TEC: variants seen among roughly 807,000 people sequenced by gnomAD.
The protein encoded by TEC is tyrosine-protein kinase Tec.
TEC carries 72 observed loss-of-function variants against 93.0 expected under a neutral mutation model. That is an observed-to-expected ratio of 0.77 (90% confidence interval 0.64 to 0.94). The LOEUF (loss-of-function observed/expected upper bound fraction) is 0.94, where lower values mean the gene tolerates loss of function less well. Among genes scored for constraint, TEC ranks in the 40% least tolerant of loss-of-function variants. The pLI, the probability that TEC is intolerant of heterozygous loss-of-function variation, is 0.00. For missense variants in TEC, 630 were observed against 757.9 expected (o/e 0.83, Z 1.98); for synonymous variants, 249 against 247.7 (o/e 1.01, Z -0.05).
intron 1 of TEC, among the ~76,000 whole-genome samples, chr4:48,236,220 G>T (rs1723778771): frequency 6.6e-6 from 1 of 152,004 alleles, no homozygotes; most frequent in African/African-American, 2.4e-5. Context: ...AAATGAAGAT[G>T]AAACAAAACT....
intron 2 of TEC, among the ~76,000 whole-genome samples, chr4:48,185,281 C>T (rs765837121): frequency 4.6e-5 from 7 of 152,174 alleles, no homozygotes; most frequent in Non-Finnish European, 8.8e-5. Context: ...TAGTCTTTTC[C>T]CTTTCCACTC....
At chr4:48,213,370 T>C (rs1244845484) in intron 2 of TEC, among the ~76,000 whole-genome samples, 3 of 152,154 alleles carry the variant, frequency 2.0e-5, no homozygotes, top group Admixed American at 6.5e-5. Context: ...ATATGAAAAG[T>C]AAAAAAGGTA....
At chr4:48,199,236 C>G (rs1029103463) in intron 2 of TEC, among the ~76,000 whole-genome samples, 4 of 152,292 alleles carry the variant, frequency 2.6e-5, no homozygotes, top group African/African-American at 9.6e-5. Flanking sequence ...TGAACCAGAT[C>G]CAATGATTCC....
At chr4:48,148,639 T>A (rs1346099720) in intron 11 of TEC, among the ~76,000 whole-genome samples, 2 of 152,212 alleles carry the variant, frequency 1.3e-5, no homozygotes, top group Non-Finnish European at 2.9e-5. Flanking sequence ...TATCTTGGAC[T>A]TTAGTGTCAA....
chr4:48,242,688 G>A (rs1448106937), intron 1 of TEC, among the ~76,000 whole-genome samples: 1 of 152,192 alleles, frequency 6.6e-6, no homozygotes, highest in African/African-American at 2.4e-5. Flanking sequence ...TATGCAGGAA[G>A]TTCTTTTTTT....
intron 1 of TEC, among the ~76,000 whole-genome samples, chr4:48,256,346 G>A (rs1226465449): frequency 6.6e-6 from 1 of 152,004 alleles, no homozygotes; most frequent in Non-Finnish European, 1.5e-5. Context: ...CACTTTGGGA[G>A]GCTGAGGCAG....
In TEC at chr4:48,138,656, A is replaced by T; in HGVS notation, c.1812+9T>A. ...AGATTCAAAAAGAAAGCACACAAAAAATCTATACCTCCTGCCAACATCTCA... is the reference window on the plus strand; with the variant it reads ...AGATTCAAAAAGAAAGCACACAAAATATCTATACCTCCTGCCAACATCTCA... On this transcript the variant is annotated intron_variant, in intron 17 of 17. Coordinates refer to ENST00000381501, the MANE Select transcript of TEC (RefSeq NM_003215.3). 6.3e-7 allele frequency: 1 copy of T among 1,589,266 alleles called. No homozygotes were observed. The highest frequency in any genetic ancestry group is 8.5e-7 in the Non-Finnish European group (1 of 1,170,284).
chr4:48,248,508 T>C (rs1227273854), intron 1 of TEC, among the ~76,000 whole-genome samples: 1 of 152,174 alleles, frequency 6.6e-6, no homozygotes. Flanking sequence ...CCAGCGTCAG[T>C]ACGGGAGGTG....
At chr4:48,149,531 G>C (rs778700080) in intron 11 of TEC, 26 bp downstream of exon 11, 79 of 1,566,942 alleles carry the variant, frequency 5.0e-5, no homozygotes, top group Non-Finnish European at 6.7e-5. Context: ...CCTTATATTT[G>C]AAGTAGGTTT....
chr4:48,232,476 A>T (rs1447271920), intron 1 of TEC, among the ~76,000 whole-genome samples: 2 of 152,196 alleles, frequency 1.3e-5, no homozygotes, highest in Non-Finnish European at 2.9e-5. Context: ...ACTAGAAAAA[A>T]GTCTCCTAGT....
intron 2 of TEC, among the ~76,000 whole-genome samples, chr4:48,184,390 G>C (rs1721716503): frequency 6.6e-6 from 1 of 152,084 alleles, no homozygotes; most frequent in Admixed American, 6.6e-5. Flanking sequence ...ATCAAAGAAA[G>C]TTCACAAATT....
Position 48,228,600 on chromosome 4 carries a change from AG to A in TEC, c.14del (p.Thr5IlefsTer20). The A allele has an allele frequency of 6.2e-7, 1 of 1,613,274 alleles. No individual in the cohort carries two copies. The highest frequency in any genetic ancestry group is 8.5e-7 in the Non-Finnish European group (1 of 1,179,784). On this transcript the variant is annotated frameshift_variant, in exon 2 of 18. Transcript: ENST00000381501. LOFTEE classifies it high-confidence loss of function. MNFN[T>X]ILEEILIKRS... ...TTTTAATAAGAATCTCCTCCAAAAT[AG>A]TGTTAAAATTCATCTCCGTCTTCTG...
intron 2 of TEC, among the ~76,000 whole-genome samples, chr4:48,209,438 C>CA (rs200833080): frequency 6.0e-5 from 9 of 149,532 alleles, no homozygotes; most frequent in South Asian, 2.1e-4. Flanking sequence ...CTCATCTCTA[C>CA]AAAAAAAAAT....
intron 1 of TEC, among the ~76,000 whole-genome samples, chr4:48,268,122 CT>C (rs1724687097): frequency 6.6e-6 from 1 of 152,206 alleles, no homozygotes; most frequent in African/African-American, 2.4e-5. Flanking sequence ...TAAAACATAG[CT>C]GCTGCCCTTG....
In TEC at chr4:48,167,762, T is replaced by A; in HGVS notation, c.671+16A>T. 6.2e-7 allele frequency: 1 copy of A among 1,612,584 alleles called. No individual in the cohort carries two copies. The highest frequency in any genetic ancestry group is 8.5e-7 in the Non-Finnish European group (1 of 1,178,876). On this transcript the variant is annotated intron_variant, in intron 7 of 17. Coordinates refer to ENST00000381501, the MANE Select transcript of TEC (RefSeq NM_003215.3). Reference sequence around the variant, plus strand: ...ACCTACCCACTGCATATCACACACATAGAGGGAATACTTACCCATATTTAT... The same window carrying A: ...ACCTACCCACTGCATATCACACACAAAGAGGGAATACTTACCCATATTTAT...
chr4:48,149,719 C>T, intron 10 of TEC, 29 bp from the exon 11 acceptor site: 1 of 1,578,890 alleles, frequency 6.3e-7, no homozygotes, highest in Non-Finnish European at 8.6e-7. Context: ...TGTGTCAGAA[C>T]CAAGTTGAAA....
chr4:48,182,116 C>T (rs60301482), intron 2 of TEC, among the ~76,000 whole-genome samples: 10,176 of 152,044 alleles, frequency 0.067, 435 homozygotes, highest in African/African-American at 0.11. Context: ...AACCCCATCT[C>T]TACTAAAGAT....
chr4:48,172,304 C>T (rs1721145830), intron 3 of TEC, among the ~76,000 whole-genome samples: 1 of 152,158 alleles, frequency 6.6e-6, no homozygotes, highest in Non-Finnish European at 1.5e-5. Context: ...TAATACATGG[C>T]TAGAAACCTC....
At chr4:48,254,188 GAT>G (rs1210597353) in intron 1 of TEC, among the ~76,000 whole-genome samples, 3 of 152,218 alleles carry the variant, frequency 2.0e-5, no homozygotes, top group Non-Finnish European at 4.4e-5. Context: ...TGAATGCAGA[GAT>G]AGCAGAGCTG....
Sources: gnomAD v4.1 joint callset for allele counts (sites outside exome capture counted in the v4.1 genomes callset) on GRCh38, gnomAD v4.1.1 for gene constraint, MANE v1.5 for transcripts, NCBI Gene and HGNC (gene_info 2026-07-23, HGNC 2026-07-21) for gene names.